The following PCDH9 variants were observed in gnomAD, a reference collection of about 807,000 sequenced individuals.
PCDH9 encodes protocadherin 9.
PCDH9 carries 24 observed loss-of-function variants against 70.6 expected under a neutral mutation model. The ratio of observed to expected loss-of-function variants is 0.34; its 90% CI spans 0.25 to 0.48. The LOEUF (loss-of-function observed/expected upper bound fraction) is 0.48, where lower values mean the gene tolerates loss of function less well. Among genes scored for constraint, PCDH9 ranks in the 20% least tolerant of loss-of-function variants. PCDH9 has a pLI of 0.99. For missense variants in PCDH9, 1,281 were observed against 1,503.6 expected (o/e 0.85, Z 2.45); for synonymous variants, 562 against 558.5 (o/e 1.01, Z -0.09).
intron 4 of PCDH9, among the ~76,000 whole-genome samples, chr13:66,311,278 C>T (rs1408517882): frequency 6.6e-6 from 1 of 151,834 alleles, no homozygotes; most frequent in African/African-American, 2.4e-5. Flanking sequence ...TTAGTATCTC[C>T]AGAATACTAA....
intron 2 of PCDH9, among the ~76,000 whole-genome samples, chr13:66,983,720 A>G (rs1199760570): frequency 6.6e-6 from 1 of 152,160 alleles, no homozygotes; most frequent in Non-Finnish European, 1.5e-5. Context: ...CTACATGTGT[A>G]GGTTTCTTTT....
intron 4 of PCDH9, among the ~76,000 whole-genome samples, chr13:66,574,048 C>T (rs1417418477): frequency 6.6e-6 from 1 of 152,162 alleles, no homozygotes; most frequent in Non-Finnish European, 1.5e-5. Context: ...GAAAACACCA[C>T]CTGTCAATAA....
chr13:66,413,562 TG>T (rs949740495), intron 4 of PCDH9, among the ~76,000 whole-genome samples: 1 of 151,826 alleles, frequency 6.6e-6, no homozygotes, highest in African/African-American at 2.4e-5. Context: ...GGTGGGCGCC[TG>T]TAGTCCCAGC....
intron 2 of PCDH9, among the ~76,000 whole-genome samples, chr13:67,051,974 C>T (rs1475978369): frequency 6.6e-6 from 1 of 152,116 alleles, no homozygotes; most frequent in Non-Finnish European, 1.5e-5. Flanking sequence ...ATTATTAAAA[C>T]TTACCGCAGC....
chr13:66,588,508 A>G (rs543392117), intron 4 of PCDH9, among the ~76,000 whole-genome samples: 1 of 139,580 alleles, frequency 7.2e-6, no homozygotes, highest in Non-Finnish European at 1.6e-5. Flanking sequence ...ATATATATAT[A>G]TGTATGTATA....
rs549642826 is a variant in PCDH9, at chr13:66,618,395, A to C, written c.3340+12815T>G. ...ATCACTGGCAGAAATACATGTTAAA[A>C]TAGCATTAAGGTAAATTTGGGGGAG... On this transcript the variant is annotated intron_variant, in intron 4 of 4. Coordinates refer to ENST00000377865, the MANE Select transcript of PCDH9 (RefSeq NM_203487.3). Among the ~76,000 whole-genome samples the C allele has an allele frequency of 2.8e-4, 43 of 152,280 alleles. No individual in the cohort carries two copies. In the South Asian group the frequency reaches 8.9e-3, roughly 32 times the overall value.
intron 2 of PCDH9, among the ~76,000 whole-genome samples, chr13:67,077,973 T>C (rs2085910866): frequency 6.6e-6 from 1 of 152,202 alleles, no homozygotes; most frequent in Non-Finnish European, 1.5e-5. Flanking sequence ...GAAGTACACA[T>C]TCCTAATCAT....
chr13:66,780,112 A>C (rs1020171405), intron 3 of PCDH9, among the ~76,000 whole-genome samples: 3 of 151,960 alleles, frequency 2.0e-5, no homozygotes, highest in Non-Finnish European at 4.4e-5. Flanking sequence ...CTCTAGGCAC[A>C]CAAGAAAGGG....
At chr13:67,170,324 G>A (rs181330349) in intron 2 of PCDH9, among the ~76,000 whole-genome samples, 1 of 152,266 alleles carries the variant, frequency 6.6e-6, no homozygotes, top group Non-Finnish European at 1.5e-5. Context: ...CTTGTGAATG[G>A]AGATAATAAT....
intron 3 of PCDH9, among the ~76,000 whole-genome samples, chr13:66,793,939 T>C (rs1227565599): frequency 2.6e-5 from 4 of 152,142 alleles, no homozygotes; most frequent in Admixed American, 2.0e-4. Flanking sequence ...CACTATTGTG[T>C]TTTCCCTGTT....
chr13:66,932,625 T>A (rs1305496475), intron 2 of PCDH9, among the ~76,000 whole-genome samples: 1 of 149,358 alleles, frequency 6.7e-6, no homozygotes, highest in Non-Finnish European at 1.5e-5. Flanking sequence ...AAAAACTTTT[T>A]ATTTTTTTCT....
At chr13:67,135,809 G>T (rs1253424443) in intron 2 of PCDH9, among the ~76,000 whole-genome samples, 1 of 152,098 alleles carries the variant, frequency 6.6e-6, no homozygotes, top group Non-Finnish European at 1.5e-5. Flanking sequence ...TTTTCTTTCA[G>T]ATTTTTTCTC....
intron 4 of PCDH9, among the ~76,000 whole-genome samples, chr13:66,341,589 A>G (rs1441983437): frequency 6.6e-6 from 1 of 152,154 alleles, no homozygotes; most frequent in Non-Finnish European, 1.5e-5. Flanking sequence ...TCCTATGCAC[A>G]TTAGAGCTAG....
chr13:67,099,458 A>G (rs2086388277), intron 2 of PCDH9, among the ~76,000 whole-genome samples: 1 of 152,168 alleles, frequency 6.6e-6, no homozygotes, highest in African/African-American at 2.4e-5. Flanking sequence ...GGCCCTATAT[A>G]TCTAACTTAA....
At chr13:66,484,441 C>T (rs933413237) in intron 4 of PCDH9, among the ~76,000 whole-genome samples, 1 of 152,098 alleles carries the variant, frequency 6.6e-6, no homozygotes, top group African/African-American at 2.4e-5. Context: ...CGTGCGAGGG[C>T]GATAAAAGAA....
At chr13:66,667,343 G>T (rs1267687156) in intron 3 of PCDH9, among the ~76,000 whole-genome samples, 2 of 152,100 alleles carry the variant, frequency 1.3e-5, no homozygotes, top group Non-Finnish European at 2.9e-5. Flanking sequence ...TAAACATTTG[G>T]ATATTTTATA....
intron 4 of PCDH9, among the ~76,000 whole-genome samples, chr13:66,351,831 T>C (rs529462003): frequency 1.7e-4 from 21 of 120,636 alleles, no homozygotes; most frequent in Non-Finnish European, 3.7e-4. Context: ...CTTTTTTTTT[T>C]CTTTTCTTTT....
At position 66,584,400 on chromosome 13, in the gene PCDH9, A is replaced by T. The variant is rs1286764795; in HGVS notation, c.3340+46810T>A. 2.6e-5 allele frequency among the ~76,000 whole-genome samples: 4 copies of T among 152,282 alleles called. No individual in the cohort carries two copies. In the East Asian group the frequency reaches 5.8e-4, roughly 22 times the overall value. On this transcript the variant is annotated intron_variant, in intron 4 of 4. Transcript: ENST00000377865. The stretch of plus-strand genomic sequence containing the variant: ...CACAAAAGCACCAATTCCAAGATTG[A>T]CACTAAATATTACTGCTAACAACAA...
At chr13:66,490,667 A>G (rs1383233437) in intron 4 of PCDH9, among the ~76,000 whole-genome samples, 2 of 152,114 alleles carry the variant, frequency 1.3e-5, no homozygotes, top group African/African-American at 4.8e-5. Flanking sequence ...GAGTGTTTTA[A>G]GGAAGAGAGT....
Sources: allele counts gnomAD v4.1 joint callset (sites outside exome capture counted in the v4.1 genomes callset), GRCh38; gene constraint gnomAD v4.1.1; transcripts MANE v1.5; gene names NCBI Gene and HGNC (gene_info 2026-07-23, HGNC 2026-07-21).